The following REXO5 variants were observed in gnomAD, a reference collection of about 807,000 sequenced individuals.
The protein encoded by REXO5 is exonuclease NEF-sp.
Under a neutral mutation model 88.5 loss-of-function variants are expected in REXO5, and 48 were observed. The ratio of observed to expected loss-of-function variants is 0.54; its 90% confidence interval spans 0.43 to 0.69. The LOEUF is 0.69. REXO5 is among the 30% of genes least tolerant of loss of function. The probability of loss-of-function intolerance (pLI) is 0.00; values close to 1 mark genes in which losing one functional copy is unlikely to be tolerated. For synonymous variants in REXO5, 311 were observed against 336.5 expected, an observed-to-expected ratio of 0.92 and a Z score of 0.83; for missense variants, 749 against 912.2, an observed-to-expected ratio of 0.82 and a Z score of 2.30.
At position 20,840,476 on chromosome 16, in the gene REXO5, C is replaced by G. The variant is rs374352897; in HGVS notation, c.1626+8C>G. 1 of 1,536,332 alleles carries G rather than the reference C, an allele frequency of 6.5e-7. No homozygotes were observed. Among genetic ancestry groups the G allele is most frequent in the Non-Finnish European group, 8.9e-7 (1 of 1,129,912 alleles). ...GTTCTTGAAACCCGTCAGGTAAGAC[C>G]GGAAAATTCAGATTTCATTTTCTAG... is the stretch of plus-strand genomic sequence containing the variant. On this transcript the variant is annotated splice_region_variant and intron_variant, in intron 15 of 19. Coordinates refer to ENST00000261377, the MANE Select transcript of REXO5 (RefSeq NM_030941.3).
In REXO5 at chr16:20,827,437, G is replaced by C; in HGVS notation, c.1045G>C (p.Val349Leu). 1 of 1,612,356 alleles carries C rather than the reference G, an allele frequency of 6.2e-7. No homozygotes were observed. The highest frequency in any genetic ancestry group is 1.1e-5 in the South Asian group (1 of 91,004). Residue 349 changes from valine to leucine, a missense_variant, in exon 10 of 20, where the codon GTT (valine) becomes CTT (leucine). By Grantham distance (32) the Val-to-Leu change is conservative. Transcript: ENST00000261377. The stretch of plus-strand genomic sequence containing the variant: ...ATTTAAGCTCAAGTTCTTAGCCAAA[G>C]TTATTTTGGGGTAGGTTTGCTTATA... ...RRFKLKFLAK[V>L]ILGKDIQCPD...
chr16:20,835,639 A>AT (rs60258217), intron 13 of REXO5, among the ~76,000 whole-genome samples: 9,361 of 150,474 alleles, frequency 0.062, 693 homozygotes, highest in African/African-American at 0.18. Context: ...GTTCTTAGGA[A>AT]TTTTTTTTTT....
intron 15 of REXO5, among the ~76,000 whole-genome samples, chr16:20,841,645 C>T (rs1293376806): frequency 6.6e-6 from 1 of 152,014 alleles, no homozygotes; most frequent in African/African-American, 2.4e-5. Context: ...GAGACAGAGG[C>T]CCAGGCTGCA....
At chr16:20,820,726 G>A (rs1218622182) in intron 5 of REXO5, among the ~76,000 whole-genome samples, 1 of 150,518 alleles carries the variant, frequency 6.6e-6, no homozygotes, top group East Asian at 2.0e-4. Context: ...ACTACACCTG[G>A]CTAATTTTTG....
chr16:20,836,064 C>T (rs2081424559), intron 13 of REXO5, among the ~76,000 whole-genome samples: 2 of 152,022 alleles, frequency 1.3e-5, no homozygotes, highest in African/African-American at 4.8e-5. Flanking sequence ...CAGAGAGTTC[C>T]CATTTACCCC....
intron 4 of REXO5, among the ~76,000 whole-genome samples, chr16:20,815,598 A>C (rs2081070020): frequency 6.6e-6 from 1 of 152,064 alleles, no homozygotes; most frequent in African/African-American, 2.4e-5. Context: ...TCTATTAACC[A>C]CGGACCACCT....
At chr16:20,826,011 A>G in intron 8 of REXO5, 63 bp downstream of exon 8, 1 of 1,042,886 alleles carries the variant, frequency 9.6e-7, no homozygotes, top group Non-Finnish European at 1.5e-6. Context: ...ATAATACTTA[A>G]GAATGGCCCA....
At chr16:20,807,738 TA>T (rs56126602) in intron 2 of REXO5, among the ~76,000 whole-genome samples, 2,622 of 141,934 alleles carry the variant, frequency 0.018, 74 homozygotes, top group African/African-American at 0.065. Context: ...CCCCATCTCT[TA>T]AAAAAAAAAA....
chr16:20,827,534 T>G, intron 10 of REXO5, 87 bp downstream of exon 10: 1 of 953,454 alleles, frequency 1.0e-6, no homozygotes, highest in Middle Eastern at 2.4e-4. Context: ...TATTGCAAAA[T>G]TCAGGGTTTC....
intron 11 of REXO5, among the ~76,000 whole-genome samples, chr16:20,830,071 A>G (rs1276380533): frequency 6.6e-6 from 1 of 152,248 alleles, no homozygotes; most frequent in Non-Finnish European, 1.5e-5. Flanking sequence ...AATCACTACA[A>G]TAGGTTCTAA....
chr16:20,844,230 G>C (rs148573345), intron 16 of REXO5, among the ~76,000 whole-genome samples: 1 of 152,126 alleles, frequency 6.6e-6, no homozygotes, highest in East Asian at 1.9e-4. Flanking sequence ...AATCATCCTG[G>C]GCTAGATTTG....
At chr16:20,829,735 TA>T (rs1483264069) in intron 11 of REXO5, among the ~76,000 whole-genome samples, 13 of 152,228 alleles carry the variant, frequency 8.5e-5, no homozygotes, top group Non-Finnish European at 1.6e-4. Context: ...ATTCCAATTT[TA>T]TACATGAGCC....
At chr16:20,830,635 G>T (rs769100836) in intron 11 of REXO5, among the ~76,000 whole-genome samples, 4 of 152,188 alleles carry the variant, frequency 2.6e-5, no homozygotes, top group Non-Finnish European at 5.9e-5. Context: ...GCATGTAAAG[G>T]CAGGGTTTGT....
At chr16:20,845,639 A>G (rs533477887) in intron 18 of REXO5, among the ~76,000 whole-genome samples, 1 of 152,276 alleles carries the variant, frequency 6.6e-6, no homozygotes, top group East Asian at 1.9e-4. Context: ...TATCTAAGAC[A>G]TCTGAATGGA....
At chr16:20,810,129 G>A (rs938037965) in intron 2 of REXO5, among the ~76,000 whole-genome samples, 14 of 152,168 alleles carry the variant, frequency 9.2e-5, no homozygotes, top group Admixed American at 6.5e-4. Flanking sequence ...CCTGGAATCA[G>A]TCATTTCTCT....
chr16:20,827,472 A>G, intron 10 of REXO5, 25 bp downstream of exon 10: 3 of 1,539,012 alleles, frequency 1.9e-6, no homozygotes, highest in Non-Finnish European at 2.7e-6. Context: ...ATGCTGTAAT[A>G]TTGTTCTGAC....
chr16:20,815,531 C>T (rs2152501133), intron 4 of REXO5, among the ~76,000 whole-genome samples: 1 of 109,838 alleles, frequency 9.1e-6, no homozygotes, highest in East Asian at 2.1e-4. Context: ...ATTTAACCTC[C>T]CTGGGTCACC....
intron 13 of REXO5, among the ~76,000 whole-genome samples, chr16:20,839,543 TG>T (rs2081493202): frequency 6.6e-6 from 1 of 152,212 alleles, no homozygotes; most frequent in African/African-American, 2.4e-5. Flanking sequence ...ATGGCTCATA[TG>T]TATTTTATTT....
intron 11 of REXO5, among the ~76,000 whole-genome samples, chr16:20,830,232 G>C (rs1342697261): frequency 6.6e-6 from 1 of 152,012 alleles, no homozygotes; most frequent in Non-Finnish European, 1.5e-5. Context: ...TGTTTCCCAG[G>C]CTGGAGTGCA....
Sources: gnomAD v4.1 joint callset for allele counts (sites outside exome capture counted in the v4.1 genomes callset) on GRCh38, gnomAD v4.1.1 for gene constraint, MANE v1.5 for transcripts, NCBI Gene and HGNC (gene_info 2026-07-23, HGNC 2026-07-21) for gene names.